The following MSH3 variants were observed in gnomAD, a reference collection of about 807,000 sequenced individuals.
MSH3 encodes mutS homolog 3, also known as DNA mismatch repair protein Msh3.
Under a neutral mutation model 123.3 loss-of-function variants are expected in MSH3, and 106 were observed. The observed-to-expected ratio is 0.86, with a 90% CI of 0.73 to 1.01. The LOEUF (loss-of-function observed/expected upper bound fraction) is 1.01, where lower values mean the gene tolerates loss of function less well. MSH3 is among the 50% of genes least tolerant of loss of function. The pLI, the probability that MSH3 is intolerant of heterozygous loss-of-function variation, is 0.00. For missense variants in MSH3, 1,459 were observed against 1,347.6 expected, an observed-to-expected ratio of 1.08 and a Z score of -1.29; for synonymous variants, 515 against 481.4, an observed-to-expected ratio of 1.07 and a Z score of -0.91.
chr5:80,868,560 A>G (rs1411274478), intron 22 of MSH3, among the ~76,000 whole-genome samples: 1 of 147,164 alleles, frequency 6.8e-6, no homozygotes, highest in Non-Finnish European at 1.5e-5. Flanking sequence ...AGTGGGAGTT[A>G]AATGATGAGA....
intron 22 of MSH3, among the ~76,000 whole-genome samples, chr5:80,866,267 T>A (rs1214505944): frequency 1.3e-5 from 2 of 152,290 alleles, no homozygotes; most frequent in Non-Finnish European, 2.9e-5. Flanking sequence ...GCCTCCCCGG[T>A]AGCTGGGACT....
Position 80,655,359 on chromosome 5 carries a change from A to G in MSH3, c.237+395A>G, listed in dbSNP as rs536704590. 4.2e-5 allele frequency: 10 copies of G among 236,896 alleles called. No homozygotes were observed. The East Asian group carries it at 6.1e-4, about 14-fold the overall frequency. 14.7% of individuals were successfully genotyped at this position (236,896 alleles called of 1,614,324 possible). A position where few individuals can be genotyped will look rare whatever the true frequency, so the allele number is the denominator to read the frequency against. On this transcript the variant is annotated intron_variant, in intron 1 of 23. Coordinates refer to ENST00000265081, the MANE Select transcript of MSH3 (RefSeq NM_002439.5). ...GTGCTGGATTGGGTGACTAGAAGAA[A>G]GCTGCCCTTAGGTCTCCAGTTTTTA...
chr5:80,873,897 A>G (rs1376271797), intron 23 of MSH3, among the ~76,000 whole-genome samples: 1 of 152,226 alleles, frequency 6.6e-6, no homozygotes. Context: ...TTTGAAAGAA[A>G]GATATTCCTA....
chr5:80,788,052 TC>T (rs1389324058), intron 18 of MSH3, among the ~76,000 whole-genome samples: 1 of 152,210 alleles, frequency 6.6e-6, no homozygotes, highest in Non-Finnish European at 1.5e-5. Flanking sequence ...CCCATATTCA[TC>T]CCACTATTCT....
intron 20 of MSH3, among the ~76,000 whole-genome samples, chr5:80,841,047 C>A (rs1158818587): frequency 1.3e-5 from 2 of 151,112 alleles, no homozygotes; most frequent in African/African-American, 4.9e-5. Flanking sequence ...TAATGCTATC[C>A]CTCCCCACTC....
intron 20 of MSH3, among the ~76,000 whole-genome samples, chr5:80,816,241 T>A (rs1204139128): frequency 6.6e-6 from 1 of 152,010 alleles, no homozygotes; most frequent in Non-Finnish European, 1.5e-5. Context: ...AAACTGCAGC[T>A]ATGACAAGTC....
chr5:80,699,238 A>G (rs1750552161), intron 8 of MSH3, among the ~76,000 whole-genome samples: 1 of 152,206 alleles, frequency 6.6e-6, no homozygotes, highest in Non-Finnish European at 1.5e-5. Flanking sequence ...TCTTAACAAA[A>G]CTGATTTGGG....
intron 19 of MSH3, 21 bp downstream of exon 19, chr5:80,792,865 A>C (rs1453783669): frequency 6.8e-7 from 1 of 1,471,416 alleles, no homozygotes; most frequent in Non-Finnish European, 9.5e-7. Flanking sequence ...TATGCCAAAA[A>C]ATAAGTCGAT....
chr5:80,677,150 C>G (rs1006026049), intron 7 of MSH3, among the ~76,000 whole-genome samples: 1 of 152,186 alleles, frequency 6.6e-6, no homozygotes, highest in Non-Finnish European at 1.5e-5. Context: ...CTTTTACCCT[C>G]GACACTGTTT....
intron 20 of MSH3, among the ~76,000 whole-genome samples, chr5:80,818,402 C>CAAAAAAAAAA (rs71603566): frequency 6.3e-5 from 4 of 63,804 alleles, no homozygotes; most frequent in Non-Finnish European, 8.2e-5. Context: ...ATAGCAATGA[C>CAAAAAAAAAA]AAAAAAAAAA....
At chr5:80,794,052 T>C (rs1424490350) in intron 19 of MSH3, among the ~76,000 whole-genome samples, 2 of 152,194 alleles carry the variant, frequency 1.3e-5, no homozygotes, top group Non-Finnish European at 2.9e-5. Flanking sequence ...GTGTGGTTAT[T>C]TGAAACCTAT....
At chr5:80,780,280 T>C in intron 17 of MSH3, among the ~76,000 whole-genome samples, 1 of 152,208 alleles carries the variant, frequency 6.6e-6, no homozygotes, top group African/African-American at 2.4e-5. Flanking sequence ...GGAAGAGATG[T>C]ACACAGTTGA....
intron 20 of MSH3, among the ~76,000 whole-genome samples, chr5:80,819,480 AAT>A: frequency 6.9e-6 from 1 of 145,178 alleles, no homozygotes; most frequent in African/African-American, 2.6e-5. Flanking sequence ...ATATATATAT[AAT>A]TTTTTTTTTT....
Position 80,654,905 on chromosome 5 carries a change from G to GCAGCGC in MSH3, c.179_180insAGCGCC (p.Ala61_Ala62insProAla), listed in dbSNP as rs1554066077. On this transcript the variant is annotated inframe_insertion, in exon 1 of 24. Transcript: ENST00000265081. ...TGCAGCGGCTGCAGCGGCCGCAGCG[G>GCAGCGC]CCGCAGCGCCCCCAGCGCCCCCAGC... 22 of 1,494,406 alleles carry GCAGCGC rather than the reference G, an allele frequency of 1.5e-5. No homozygotes were observed. Among genetic ancestry groups the GCAGCGC allele is most frequent in the Middle Eastern group, 1.8e-4 (1 of 5,658 alleles). The allele number at this position is 1,494,406 out of a possible 1,614,324, so 92.6% of individuals were successfully genotyped here. A position where few individuals can be genotyped will look rare whatever the true frequency, so the allele number is the denominator to read the frequency against.
chr5:80,742,386 C>T (rs942340568), intron 11 of MSH3, among the ~76,000 whole-genome samples: 3 of 152,126 alleles, frequency 2.0e-5, no homozygotes, highest in Admixed American at 6.5e-5. Context: ...AAACTTATTG[C>T]TTTCATTTAT....
chr5:80,842,075 T>C (rs1745636348), intron 20 of MSH3, among the ~76,000 whole-genome samples: 1 of 152,214 alleles, frequency 6.6e-6, no homozygotes, highest in Non-Finnish European at 1.5e-5. Flanking sequence ...CTTGAGTTAA[T>C]TTTTGTATAA....
At chr5:80,832,296 G>A (rs948310400) in intron 20 of MSH3, among the ~76,000 whole-genome samples, 1 of 152,052 alleles carries the variant, frequency 6.6e-6, no homozygotes, top group African/African-American at 2.4e-5. Flanking sequence ...AATGGATACA[G>A]AGTTTCTCTT....
intron 12 of MSH3, among the ~76,000 whole-genome samples, chr5:80,753,444 T>A (rs575078961): frequency 1.3e-3 from 193 of 152,336 alleles, no homozygotes; most frequent in African/African-American, 4.5e-3. Flanking sequence ...TATGGGGGCC[T>A]ACTCTCAAAA....
intron 8 of MSH3, among the ~76,000 whole-genome samples, chr5:80,703,576 G>A (rs1211489084): frequency 2.0e-5 from 3 of 152,066 alleles, no homozygotes; most frequent in Non-Finnish European, 2.9e-5. Flanking sequence ...GGGCTGCAGA[G>A]CAAAGGGCTC....
Sources: gnomAD v4.1 joint callset for allele counts (sites outside exome capture counted in the v4.1 genomes callset) on GRCh38, gnomAD v4.1.1 for gene constraint, MANE v1.5 for transcripts, NCBI Gene and HGNC (gene_info 2026-07-23, HGNC 2026-07-21) for gene names.